Variants in NUMB observed in about 807,000 individuals in gnomAD.
The protein encoded by NUMB is NUMB endocytic adaptor protein.
Under a neutral mutation model 59.7 loss-of-function variants are expected in NUMB, and 29 were observed. The observed-to-expected ratio is 0.49, with a 90% CI of 0.36 to 0.66. The LOEUF is 0.66. NUMB is among the 30% of genes least tolerant of loss of function. The probability of loss-of-function intolerance (pLI) is 0.00; values close to 1 mark genes in which losing one functional copy is unlikely to be tolerated. For missense variants in NUMB, 723 were observed against 822.0 expected, an observed-to-expected ratio of 0.88 and a Z score of 1.47; for synonymous variants, 288 against 288.2, an observed-to-expected ratio of 1.00 and a Z score of 0.01.
intron 2 of NUMB, among the ~76,000 whole-genome samples, chr14:73,383,888 C>T (rs111714916): frequency 2.2e-4 from 33 of 151,976 alleles, no homozygotes; most frequent in African/African-American, 7.5e-4. Flanking sequence ...TGGTGGGACG[C>T]GCCTATAGTC....
At chr14:73,302,097 AT>A (rs917173016) in intron 6 of NUMB, among the ~76,000 whole-genome samples, 1 of 152,138 alleles carries the variant, frequency 6.6e-6, no homozygotes, top group Non-Finnish European at 1.5e-5. Context: ...ATAAAAAAAA[AT>A]AAAAAAAATT....
chr14:73,354,823 G>A (rs1230315890), intron 4 of NUMB, among the ~76,000 whole-genome samples: 3 of 9,764 alleles, frequency 3.1e-4, no homozygotes, highest in Admixed American at 1.6e-3. Flanking sequence ...GACAGACTGT[G>A]CCTCAAAAAA....
At chr14:73,372,336 T>TAA (rs1555375716) in intron 2 of NUMB, among the ~76,000 whole-genome samples, 51 of 87,282 alleles carry the variant, frequency 5.8e-4, no homozygotes, top group South Asian at 2.0e-3. Context: ...TATATATATA[T>TAA]AACCTTTTAT....
chr14:73,341,638 C>A (rs1010114020), intron 4 of NUMB, among the ~76,000 whole-genome samples: 2 of 152,126 alleles, frequency 1.3e-5, no homozygotes, highest in Non-Finnish European at 2.9e-5. Context: ...CCCCTATAGC[C>A]TCGAACTTCT....
chr14:73,292,911 T>C (rs114433477), intron 7 of NUMB, 37 bp from the exon 8 acceptor site: 17 of 1,604,182 alleles, frequency 1.1e-5, no homozygotes, highest in Non-Finnish European at 1.4e-5. Flanking sequence ...AGAAGACTTA[T>C]GAGGTTATCT....
intron 3 of NUMB, 68 bp from the exon 4 acceptor site, chr14:73,355,834 C>G: frequency 8.3e-7 from 1 of 1,210,538 alleles, no homozygotes; most frequent in Non-Finnish European, 1.1e-6. Flanking sequence ...CTTTGGATTA[C>G]CATACTAACC....
intron 2 of NUMB, among the ~76,000 whole-genome samples, chr14:73,373,910 C>G (rs1894821601): frequency 6.6e-6 from 1 of 151,920 alleles, no homozygotes; most frequent in Non-Finnish European, 1.5e-5. Flanking sequence ...CTCTTGTTGT[C>G]CAGGCTGGAG....
In NUMB at chr14:73,355,779, G is replaced by GA. The variant is rs553649233; in HGVS notation, c.-15-14dup. On this transcript the variant is annotated splice_polypyrimidine_tract_variant and intron_variant, in intron 3 of 12. Transcript: ENST00000555238. ...TAATTTTTACAGCCTGAAGACAGAG[G>GA]AAAAAAAATATTTAAAAGAAATATT... The GA allele has an allele frequency of 2.6e-5, 40 of 1,567,580 alleles. No individual in the cohort carries two copies. Among genetic ancestry groups the GA allele is most frequent in the East Asian group, 2.5e-4 (11 of 43,926 alleles).
At chr14:73,355,826 T>C (rs1893753352) in intron 3 of NUMB, 60 bp from the exon 4 acceptor site, 1 of 1,381,496 alleles carries the variant, frequency 7.2e-7, no homozygotes, top group Non-Finnish European at 9.9e-7. Flanking sequence ...TATTTAAACT[T>C]TGGATTACCA....
At chr14:73,333,963 C>G (rs540298221) in intron 4 of NUMB, among the ~76,000 whole-genome samples, 51 of 152,140 alleles carry the variant, frequency 3.4e-4, no homozygotes, top group Non-Finnish European at 6.5e-4. Flanking sequence ...CTCCCGGGAT[C>G]AGGCAATTCT....
intron 5 of NUMB, among the ~76,000 whole-genome samples, chr14:73,320,928 G>C (rs569268086): frequency 6.6e-6 from 1 of 150,514 alleles, no homozygotes; most frequent in South Asian, 2.1e-4. Context: ...TTTAAAACTA[G>C]ATAGTTAAAT....
At chr14:73,379,332 A>C (rs1344366663) in intron 2 of NUMB, among the ~76,000 whole-genome samples, 1 of 152,212 alleles carries the variant, frequency 6.6e-6, no homozygotes, top group African/African-American at 2.4e-5. Context: ...GAACCAGAAA[A>C]CATGTTCATT....
At chr14:73,333,687 A>C (rs1177648497) in intron 4 of NUMB, among the ~76,000 whole-genome samples, 3 of 151,552 alleles carry the variant, frequency 2.0e-5, no homozygotes, top group Non-Finnish European at 2.9e-5. Context: ...GCTTCTTTTC[A>C]CTTTCTTGAT....
rs548120375 is a variant in NUMB at position 73,276,806 on chromosome 14, AAAG to A, written c.1725_1727del (p.Phe576del). On this transcript the variant is annotated inframe_deletion, in exon 13 of 13. Coordinates refer to ENST00000555238, the MANE Select transcript of NUMB (RefSeq NM_001005743.2). ...CGTTGAGGTGCTGAGCAGGAGGCTTAAAGAAGGGACTGGTGGTAGCACTGCTTG... is the reference window on the plus strand; with the variant it reads ...CGTTGAGGTGCTGAGCAGGAGGCTTAAAGGGACTGGTGGTAGCACTGCTTG... 143 of 1,614,168 alleles carry A rather than the reference AAAG, an allele frequency of 8.9e-5. 1 individual carries two copies. The East Asian group carries it at 2.9e-3, about 32-fold the overall frequency.
intron 2 of NUMB, among the ~76,000 whole-genome samples, chr14:73,399,961 C>T (rs1005345752): frequency 3.3e-5 from 5 of 151,726 alleles, no homozygotes; most frequent in African/African-American, 4.8e-5. Flanking sequence ...ATCGTTTGAA[C>T]GCAGGAGATG....
intron 7 of NUMB, among the ~76,000 whole-genome samples, chr14:73,293,335 G>A (rs1889525210): frequency 6.6e-6 from 1 of 151,136 alleles, no homozygotes; most frequent in African/African-American, 2.4e-5. Flanking sequence ...ACCCGATCCA[G>A]TGAAGTTACT....
chr14:73,420,222 G>C (rs1897299796), intron 1 of NUMB, among the ~76,000 whole-genome samples: 1 of 152,174 alleles, frequency 6.6e-6, no homozygotes, highest in South Asian at 2.1e-4. Context: ...CAGTGTTCCT[G>C]CTTAGCCAGG....
At chr14:73,448,396 T>G (rs1028994636) in intron 1 of NUMB, among the ~76,000 whole-genome samples, 8 of 152,112 alleles carry the variant, frequency 5.3e-5, no homozygotes, top group African/African-American at 1.4e-4. Context: ...CTTGCTACGT[T>G]GCCCAGGCTT....
Position 73,276,647 on chromosome 14 carries a change from C to T in NUMB, c.1887G>A (p.Gln629=). Residue 629 remains glutamine (Q), a synonymous_variant, in exon 13 of 13, where the codon CAG becomes CAA. Coordinates refer to ENST00000555238, the MANE Select transcript of NUMB (RefSeq NM_001005743.2). Reference sequence around the variant, plus strand: ...GGTTGGTAGGGGAGGGATTAGTACGCTGCTTGGACTTATTTTCTAATGCAG... The same window carrying T: ...GGTTGGTAGGGGAGGGATTAGTACGTTGCTTGGACTTATTTTCTAATGCAG... ...QWAALENKSK[Q]RTNPSPTNPF... 1 of 1,614,204 alleles carries T rather than the reference C, an allele frequency of 6.2e-7. No individual in the cohort carries two copies.
Sources: allele counts gnomAD v4.1 joint callset (sites outside exome capture counted in the v4.1 genomes callset), GRCh38; gene constraint gnomAD v4.1.1; transcripts MANE v1.5; gene names NCBI Gene and HGNC (gene_info 2026-07-23, HGNC 2026-07-21).